The following NLGN1 variants were observed in gnomAD, a reference collection of about 807,000 sequenced individuals.
The protein encoded by NLGN1 is neuroligin-1.
NLGN1 carries 12 observed loss-of-function variants against 65.5 expected under a neutral mutation model. That is an observed-to-expected ratio of 0.18 (90% CI 0.12 to 0.30). The LOEUF is 0.30. NLGN1 is among the 10% of genes least tolerant of loss of function. NLGN1 has a pLI of 1.00. For synonymous variants in NLGN1, 350 were observed against 359.5 expected (o/e 0.97, Z 0.30); for missense variants, 750 against 1,007.1 (o/e 0.74, Z 3.46).
At chr3:174,167,904 T>A (rs1008899312) in intron 4 of NLGN1, among the ~76,000 whole-genome samples, 7 of 151,664 alleles carry the variant, frequency 4.6e-5, no homozygotes, top group African/African-American at 1.7e-4. Context: ...AGTTTAAAAA[T>A]TTTTTTTTAA....
intron 2 of NLGN1, among the ~76,000 whole-genome samples, chr3:173,437,138 C>T (rs1718284401): frequency 6.6e-6 from 1 of 152,142 alleles, no homozygotes; most frequent in African/African-American, 2.4e-5. Context: ...AGATGAGAAA[C>T]CTGAGGAAAA....
In NLGN1 at chr3:173,999,319, C is replaced by T. The variant is rs1369477351; in HGVS notation, c.646+191487C>T. On this transcript the variant is annotated intron_variant, in intron 4 of 6. Coordinates refer to ENST00000457714, the Ensembl canonical transcript of NLGN1. Reference sequence around the variant, plus strand: ...TGATTTCAAGGAGTTTTCAAGAAAGCTTTGAGATGATATTTTTTTTTTCCA... The same window carrying T: ...TGATTTCAAGGAGTTTTCAAGAAAGTTTTGAGATGATATTTTTTTTTTCCA... Among the ~76,000 whole-genome samples the T allele has an allele frequency of 2.6e-5, 4 of 152,044 alleles. No individual in the cohort carries two copies. The East Asian group carries it at 7.7e-4, about 29-fold the overall frequency.
intron 2 of NLGN1, among the ~76,000 whole-genome samples, chr3:173,506,441 T>C (rs1028137107): frequency 6.6e-6 from 1 of 152,106 alleles, no homozygotes. Context: ...ACATTTCCCT[T>C]AATTATGAAT....
chr3:174,233,119 T>A (rs546590469), intron 4 of NLGN1, among the ~76,000 whole-genome samples: 1 of 152,302 alleles, frequency 6.6e-6, no homozygotes, highest in Admixed American at 6.5e-5. Flanking sequence ...GACAGGAAGA[T>A]CTTTGCACTG....
intron 4 of NLGN1, among the ~76,000 whole-genome samples, chr3:174,261,889 G>A (rs62291786): frequency 0.12 from 15,960 of 136,676 alleles, 1,147 homozygotes; most frequent in African/African-American, 0.21. Context: ...AGTTTTTAGC[G>A]TGAAGCGTTG....
chr3:173,924,519 A>C (rs1362609097), intron 4 of NLGN1, among the ~76,000 whole-genome samples: 1 of 151,946 alleles, frequency 6.6e-6, no homozygotes, highest in African/African-American at 2.4e-5. Context: ...GCACTTTCAG[A>C]GGCCAAAGTA....
chr3:173,917,841 TTGTGTGTGTG>T (rs145802137), intron 4 of NLGN1, among the ~76,000 whole-genome samples: 2 of 146,402 alleles, frequency 1.4e-5, no homozygotes, highest in Non-Finnish European at 3.0e-5. Context: ...CAAAGCAACA[TTGTGTGTGTG>T]TGTGTGTGTG....
At chr3:173,764,954 T>C (rs945717863) in intron 3 of NLGN1, among the ~76,000 whole-genome samples, 2 of 152,038 alleles carry the variant, frequency 1.3e-5, no homozygotes, top group African/African-American at 4.8e-5. Flanking sequence ...ATTTCTAACT[T>C]ATTAGAAAGA....
chr3:174,031,392 T>A (rs1729990410), intron 4 of NLGN1, among the ~76,000 whole-genome samples: 1 of 152,206 alleles, frequency 6.6e-6, no homozygotes, highest in African/African-American at 2.4e-5. Flanking sequence ...GAGCTTTTCA[T>A]CACCTTTAGT....
At chr3:173,725,322 G>A (rs1245241841) in intron 3 of NLGN1, among the ~76,000 whole-genome samples, 2 of 151,902 alleles carry the variant, frequency 1.3e-5, no homozygotes, top group Non-Finnish European at 2.9e-5. Context: ...TCTTTTCTCT[G>A]TTCAAAAGCC....
rs775921793 is a variant in NLGN1, at chr3:174,026,972, G to T, written c.646+219140G>T. ...TACATTTATTAAGCAGCAATTATAT[G>T]TAAAAGATTGATTGTCTTGGGTGTT... On this transcript the variant is annotated intron_variant, in intron 4 of 6. Coordinates refer to ENST00000457714, the Ensembl canonical transcript of NLGN1. Among the ~76,000 whole-genome samples the T allele has an allele frequency of 4.2e-4, 64 of 151,550 alleles. No homozygotes were observed. The Middle Eastern group carries it at 0.02, about 48-fold the overall frequency.
chr3:173,697,494 A>G (rs1174145926), intron 3 of NLGN1, among the ~76,000 whole-genome samples: 2 of 152,058 alleles, frequency 1.3e-5, no homozygotes, highest in South Asian at 2.1e-4. Flanking sequence ...ACAAATTTCT[A>G]TATTGTTTGC....
intron 4 of NLGN1, among the ~76,000 whole-genome samples, chr3:174,025,849 T>C (rs2152464312): frequency 6.6e-6 from 1 of 152,262 alleles, no homozygotes; most frequent in South Asian, 2.1e-4. Flanking sequence ...CTGGTAGAAT[T>C]TAGCTGTGTA....
At chr3:174,200,150 T>C (rs997767391) in intron 4 of NLGN1, among the ~76,000 whole-genome samples, 10 of 152,220 alleles carry the variant, frequency 6.6e-5, no homozygotes, top group African/African-American at 2.2e-4. Flanking sequence ...TTTATCACTT[T>C]GGAAAAATTA....
chr3:174,153,191 T>C (rs893246742), intron 4 of NLGN1, among the ~76,000 whole-genome samples: 40 of 152,112 alleles, frequency 2.6e-4, no homozygotes, highest in African/African-American at 9.4e-4. Flanking sequence ...GTCACTCCCT[T>C]ATTCGACTTT....
At chr3:173,780,140 G>C (rs1194542796) in intron 3 of NLGN1, among the ~76,000 whole-genome samples, 4 of 152,142 alleles carry the variant, frequency 2.6e-5, no homozygotes, top group Non-Finnish European at 5.9e-5. Context: ...ACTTACAGTT[G>C]ACACTTTATC....
chr3:174,096,487 T>C (rs1419214500), intron 4 of NLGN1, among the ~76,000 whole-genome samples: 1 of 152,046 alleles, frequency 6.6e-6, no homozygotes, highest in African/African-American at 2.4e-5. Flanking sequence ...CTGAAAGATA[T>C]TGTAAATATA....
chr3:173,798,112 A>G (rs1414700811), intron 3 of NLGN1, among the ~76,000 whole-genome samples: 1 of 152,144 alleles, frequency 6.6e-6, no homozygotes, highest in Non-Finnish European at 1.5e-5. Flanking sequence ...TAGATTTTAC[A>G]CGTGCCTCCA....
chr3:173,476,167 G>A (rs1726168839), intron 2 of NLGN1, among the ~76,000 whole-genome samples: 1 of 152,190 alleles, frequency 6.6e-6, no homozygotes, highest in Non-Finnish European at 1.5e-5. Flanking sequence ...AGCAAGTTTG[G>A]TTTCTTTAGA....
Sources: allele counts gnomAD v4.1 joint callset (sites outside exome capture counted in the v4.1 genomes callset), GRCh38; gene constraint gnomAD v4.1.1; transcripts MANE v1.5; gene names NCBI Gene and HGNC (gene_info 2026-07-23, HGNC 2026-07-21).